The following PLPPR5 variants were observed in gnomAD, a reference collection of about 807,000 sequenced individuals.
The protein encoded by PLPPR5 is phospholipid phosphatase related 5.
A neutral mutation model predicts 33.9 loss-of-function variants in PLPPR5; 16 were observed. That is an observed-to-expected ratio of 0.47 (90% CI 0.32 to 0.72). The LOEUF (loss-of-function observed/expected upper bound fraction) is 0.72, where lower values mean the gene tolerates loss of function less well. PLPPR5 is among the 30% of genes least tolerant of loss of function. The pLI is 0.03. For synonymous variants in PLPPR5, 163 were observed against 150.3 expected, an observed-to-expected ratio of 1.08 and a Z score of -0.62; for missense variants, 301 against 406.7, an observed-to-expected ratio of 0.74 and a Z score of 2.23.
intron 4 of PLPPR5, among the ~76,000 whole-genome samples, chr1:98,917,332 C>T (rs186036091): frequency 7.2e-5 from 11 of 152,316 alleles, no homozygotes; most frequent in Admixed American, 3.3e-4. Flanking sequence ...ACTCCAAAAA[C>T]GAAGCAACTA....
chr1:98,994,286 T>C (rs528546155), intron 1 of PLPPR5, among the ~76,000 whole-genome samples: 15 of 152,040 alleles, frequency 9.9e-5, no homozygotes, highest in African/African-American at 3.1e-4. Context: ...GCAGAAAAAG[T>C]TCCCTCCTTT....
chr1:98,895,522 A>C (rs748463103), intron 5 of PLPPR5, among the ~76,000 whole-genome samples: 3 of 152,018 alleles, frequency 2.0e-5, no homozygotes, highest in Non-Finnish European at 2.9e-5. Context: ...TTGGCATTTA[A>C]AATCACATGC....
At chr1:99,001,301 AT>A (rs1652831923) in intron 1 of PLPPR5, among the ~76,000 whole-genome samples, 1 of 151,720 alleles carries the variant, frequency 6.6e-6, no homozygotes, top group Non-Finnish European at 1.5e-5. Flanking sequence ...TGCTGGGCTA[AT>A]TTTTTGTACT....
intron 3 of PLPPR5, among the ~76,000 whole-genome samples, chr1:98,926,510 A>G (rs1272949096): frequency 1.3e-5 from 2 of 149,988 alleles, no homozygotes; most frequent in Admixed American, 6.7e-5. Flanking sequence ...TAATAACTTC[A>G]TAGCATTATT....
At chr1:98,904,256 T>C (rs1464288574) in intron 5 of PLPPR5, among the ~76,000 whole-genome samples, 2 of 148,462 alleles carry the variant, frequency 1.3e-5, no homozygotes, top group African/African-American at 4.9e-5. Context: ...CTATCATTAC[T>C]TTCCCTTTTT....
intron 1 of PLPPR5, among the ~76,000 whole-genome samples, chr1:98,975,152 G>C (rs1651802669): frequency 1.3e-5 from 2 of 152,054 alleles, no homozygotes; most frequent in African/African-American, 4.8e-5. Flanking sequence ...CGTCAGGAGA[G>C]TCTACCCTTC....
intron 1 of PLPPR5, among the ~76,000 whole-genome samples, chr1:98,974,007 T>C (rs893387978): frequency 6.6e-6 from 1 of 151,914 alleles, no homozygotes; most frequent in Non-Finnish European, 1.5e-5. Context: ...TAGTAAATCC[T>C]TTCCGGGTAG....
At chr1:98,922,836 T>C (rs1194064719) in intron 3 of PLPPR5, among the ~76,000 whole-genome samples, 1 of 151,914 alleles carries the variant, frequency 6.6e-6, no homozygotes, top group Admixed American at 6.6e-5. Flanking sequence ...ATACAAAAAA[T>C]CAGCTGGGCG....
chr1:98,922,036 T>G lies in PLPPR5; in HGVS notation c.644A>C (p.Lys215Thr). The G allele has an allele frequency of 6.2e-7, 1 of 1,612,912 alleles. No homozygotes were observed. Among genetic ancestry groups the G allele is most frequent in the South Asian group, 1.1e-5 (1 of 90,920 alleles). Residue 215 changes from lysine to threonine, a missense_variant, in exon 4 of 6, where the codon AAA (lysine) becomes ACA (threonine). Lys to Thr is a moderately conservative substitution (Grantham distance 78). Coordinates refer to ENST00000263177, the MANE Select transcript of PLPPR5 (RefSeq NM_001037317.2). ...YLTMYITNTI[K>T]AKGTRLAKPV... ...CTTAGCAAGTCTGGTTCCCTTGGCT[T>G]TGATTGTGTTGGTGATGTACATCTG...
chr1:98,943,250 G>T lies in PLPPR5; in HGVS notation c.621+9820C>A, dbSNP rs7538014. Among the ~76,000 whole-genome samples, 985 of 152,302 alleles carry T rather than the reference G, an allele frequency of 6.5e-3. 12 individuals are homozygous for T. Among genetic ancestry groups the T allele is most frequent in the African/African-American group, 0.023 (947 of 41,564 alleles). On this transcript the variant is annotated intron_variant, in intron 3 of 5. Transcript: ENST00000263177. ...ACAACACTGAATGACTTCATTGCCT[G>T]AAGAGGCATCAGGTCCCCAGAGGGA...
At chr1:98,960,793 C>A (rs1413864320) in intron 1 of PLPPR5, among the ~76,000 whole-genome samples, 4 of 152,196 alleles carry the variant, frequency 2.6e-5, no homozygotes, top group Non-Finnish European at 5.9e-5. Flanking sequence ...TCACTCAAAT[C>A]TCCCACTGCA....
At chr1:98,900,122 C>T (rs1377533137) in intron 5 of PLPPR5, among the ~76,000 whole-genome samples, 1 of 152,270 alleles carries the variant, frequency 6.6e-6, no homozygotes, top group East Asian at 1.9e-4. Flanking sequence ...AATTTCCTGA[C>T]TACTAATTTA....
chr1:98,917,096 A>G (rs1331996336), intron 4 of PLPPR5, among the ~76,000 whole-genome samples: 2 of 152,046 alleles, frequency 1.3e-5, no homozygotes, highest in African/African-American at 4.8e-5. Context: ...ACCCACTCCA[A>G]ACTTGATCTC....
At position 98,956,606 on chromosome 1, in the gene PLPPR5, T is replaced by C; in HGVS notation, c.370+3A>G. On this transcript the variant is annotated splice_donor_region_variant and intron_variant, in intron 2 of 5. Coordinates refer to ENST00000263177, the MANE Select transcript of PLPPR5 (RefSeq NM_001037317.2). ...TATTAAAAATAATTTAATGAACACA[T>C]ACCAAGAAATCGGACAGTTCGGCGC... 1 of 1,575,368 alleles carries C rather than the reference T, an allele frequency of 6.3e-7. No individual in the cohort carries two copies.
At chr1:98,989,126 A>G (rs1208334706) in intron 1 of PLPPR5, among the ~76,000 whole-genome samples, 1 of 152,092 alleles carries the variant, frequency 6.6e-6, no homozygotes, top group Non-Finnish European at 1.5e-5. Flanking sequence ...ACATGAATAA[A>G]CACATGAAGC....
At chr1:98,977,479 T>C (rs1195205932) in intron 1 of PLPPR5, among the ~76,000 whole-genome samples, 1 of 150,678 alleles carries the variant, frequency 6.6e-6, no homozygotes, top group Non-Finnish European at 1.5e-5. Context: ...TGTATGCTAA[T>C]ATATCTAGAA....
chr1:98,959,901 C>T (rs1333901294), intron 1 of PLPPR5, among the ~76,000 whole-genome samples: 1 of 152,114 alleles, frequency 6.6e-6, no homozygotes. Context: ...ATGTCAAATG[C>T]CTGTCCATCA....
intron 5 of PLPPR5, among the ~76,000 whole-genome samples, chr1:98,908,417 G>A (rs1208274592): frequency 1.3e-5 from 2 of 151,994 alleles, no homozygotes; most frequent in Non-Finnish European, 2.9e-5. Context: ...GTAATGAAAT[G>A]TAAACGTCTC....
intron 5 of PLPPR5, among the ~76,000 whole-genome samples, chr1:98,907,270 T>G (rs1356534665): frequency 2.0e-5 from 3 of 151,328 alleles, no homozygotes; most frequent in African/African-American, 7.3e-5. Context: ...GCCACGATCT[T>G]GGCTTGCTGC....
Sources: gnomAD v4.1 joint callset for allele counts (sites outside exome capture counted in the v4.1 genomes callset) on GRCh38, gnomAD v4.1.1 for gene constraint, MANE v1.5 for transcripts, NCBI Gene and HGNC (gene_info 2026-07-23, HGNC 2026-07-21) for gene names.